Variants in HTR2C observed in about 807,000 individuals in gnomAD.
HTR2C encodes the protein 5-hydroxytryptamine (serotonin) receptor 2C, G protein-coupled.
In HTR2C, 5 loss-of-function variants were observed where a neutral mutation model predicts 21.0. The ratio of observed to expected loss-of-function variants is 0.24; its 90% CI spans 0.12 to 0.50. The LOEUF is 0.50. Among genes scored for constraint, HTR2C ranks in the 20% least tolerant of loss-of-function variants. The pLI is 0.98. For synonymous variants in HTR2C, 150 were observed against 145.3 expected, an observed-to-expected ratio of 1.03 and a Z score of -0.23; for missense variants, 271 against 371.2, an observed-to-expected ratio of 0.73 and a Z score of 2.22.
intron 4 of HTR2C, among the ~76,000 whole-genome samples, chrX:114,772,744 T>G (rs2070018295): frequency 9.0e-6 from 1 of 111,009 alleles, no homozygotes. Flanking sequence ...AGGGACAAGG[T>G]CAATGAGGAG....
intron 2 of HTR2C, among the ~76,000 whole-genome samples, chrX:114,678,837 A>G (rs782371803): frequency 6.3e-4 from 71 of 111,814 alleles, no homozygotes; most frequent in African/African-American, 2.3e-3. Context: ...TTATGTAACT[A>G]CATAGTTAGA....
chrX:114,895,890 A>T (rs2071293433), intron 5 of HTR2C, among the ~76,000 whole-genome samples: 1 of 109,235 alleles, frequency 9.2e-6, no homozygotes, highest in Non-Finnish European at 1.9e-5. Context: ...TGGGATGCCG[A>T]GGCAGGGAGA....
At chrX:114,869,236 T>C (rs925378820) in intron 5 of HTR2C, among the ~76,000 whole-genome samples, 1 of 111,677 alleles carries the variant, frequency 9.0e-6, no homozygotes, top group Non-Finnish European at 1.9e-5. Context: ...TAATCCAGTC[T>C]ATCATTGATG....
At chrX:114,654,045 C>T (rs1260290850) in intron 2 of HTR2C, among the ~76,000 whole-genome samples, 11 of 109,875 alleles carry the variant, frequency 1.0e-4, no homozygotes, top group East Asian at 2.8e-4. Flanking sequence ...AGATATAATA[C>T]GAGACTAATA....
At chrX:114,774,772 A>AG (rs2070039864) in intron 4 of HTR2C, 1 of 332,528 alleles carries the variant, frequency 3.0e-6, no homozygotes, top group African/African-American at 2.7e-5. Context: ...CTACAAATTT[A>AG]GGTCCTTCAA....
chrX:114,612,213 T>C (rs1469403252), intron 1 of HTR2C, among the ~76,000 whole-genome samples: 1 of 111,882 alleles, frequency 8.9e-6, no homozygotes, highest in Admixed American at 9.6e-5. Flanking sequence ...ATTTATGAGC[T>C]AACAAAAGAT....
At chrX:114,682,555 T>C (rs782745297) in intron 2 of HTR2C, among the ~76,000 whole-genome samples, 1 of 111,922 alleles carries the variant, frequency 8.9e-6, no homozygotes, top group South Asian at 3.7e-4. Flanking sequence ...AAATACAATT[T>C]ATTTTTCTTT....
chrX:114,842,299 T>C (rs1236217034), intron 4 of HTR2C, among the ~76,000 whole-genome samples: 2 of 112,555 alleles, frequency 1.8e-5, no homozygotes, highest in African/African-American at 6.5e-5. Context: ...AGAAATGTGC[T>C]TGTCTTTTTA....
chrX:114,861,243 T>G (rs1399101349), intron 5 of HTR2C, among the ~76,000 whole-genome samples: 3 of 111,469 alleles, frequency 2.7e-5, no homozygotes, highest in Non-Finnish European at 5.7e-5. Flanking sequence ...CAATTTTTCT[T>G]TAGTTTCCAC....
At chrX:114,671,608 A>G (rs1287578439) in intron 2 of HTR2C, among the ~76,000 whole-genome samples, 1 of 112,167 alleles carries the variant, frequency 8.9e-6, no homozygotes, top group Non-Finnish European at 1.9e-5. Flanking sequence ...GTTTATTTCA[A>G]TTGTTAAGTT....
At chrX:114,895,711 G>C (rs1556483923) in intron 5 of HTR2C, among the ~76,000 whole-genome samples, 1 of 111,307 alleles carries the variant, frequency 9.0e-6, no homozygotes, top group Admixed American at 9.5e-5. Context: ...TTCCAGGCTG[G>C]GTGTGGTGGC....
At chrX:114,784,443 A>T (rs933475663) in intron 4 of HTR2C, among the ~76,000 whole-genome samples, 27 of 110,736 alleles carry the variant, frequency 2.4e-4, no homozygotes, top group African/African-American at 7.9e-4. Context: ...GTATTCTCTC[A>T]CAGTCTGGAG....
At chrX:114,806,838 TATATACACC>T (rs1556450184) in intron 4 of HTR2C, among the ~76,000 whole-genome samples, 1 of 101,263 alleles carries the variant, frequency 9.9e-6, no homozygotes, top group East Asian at 3.2e-4. Flanking sequence ...ATACACCACA[TATATACACC>T]ATATATATAC....
At chrX:114,694,310 T>C (rs1393699390) in intron 2 of HTR2C, among the ~76,000 whole-genome samples, 10 of 110,094 alleles carry the variant, frequency 9.1e-5, no homozygotes, top group African/African-American at 3.0e-4. Flanking sequence ...TTACATAGAA[T>C]TTCTTTTTTA....
intron 4 of HTR2C, among the ~76,000 whole-genome samples, chrX:114,825,008 A>G (rs2070666863): frequency 8.9e-6 from 1 of 111,921 alleles, no homozygotes; most frequent in South Asian, 3.7e-4. Context: ...TGTGGCTTCT[A>G]CCTTTAATTC....
intron 5 of HTR2C, among the ~76,000 whole-genome samples, chrX:114,859,449 G>T (rs1295956156): frequency 9.0e-6 from 1 of 110,891 alleles, no homozygotes; most frequent in African/African-American, 3.3e-5. Flanking sequence ...TTGGTAAATT[G>T]TAATTGTCAA....
At position 114,615,872 on chromosome X, in the gene HTR2C, C is replaced by T. The variant is rs1387112140; in HGVS notation, c.-80+1991C>T. Among the ~76,000 whole-genome samples, 13 of 111,823 alleles carry T rather than the reference C, an allele frequency of 1.2e-4. No individual in the cohort carries two copies. The Admixed American group carries it at 1.2e-3, about 11-fold the overall frequency. ...GAGAAGATTTGATATACAAATTCAT[C>T]ATAATGTGGCAATATCTTACAAGTC... is the stretch of plus-strand genomic sequence containing the variant. On this transcript the variant is annotated intron_variant, in intron 2 of 5. Coordinates refer to ENST00000276198, the MANE Select transcript of HTR2C (RefSeq NM_000868.4).
chrX:114,702,728 A>G (rs1556417098), intron 2 of HTR2C, among the ~76,000 whole-genome samples: 1 of 107,841 alleles, frequency 9.3e-6, no homozygotes, highest in Admixed American at 1.0e-4. Context: ...TTTAAATGTA[A>G]ATGGACTAAA....
intron 4 of HTR2C, among the ~76,000 whole-genome samples, chrX:114,793,754 C>T (rs1569494567): frequency 1.8e-5 from 2 of 109,449 alleles, no homozygotes; most frequent in Non-Finnish European, 3.8e-5. Context: ...TCCATCCATC[C>T]ATCCATCCAT....
Sources: gnomAD v4.1 joint callset for allele counts (sites outside exome capture counted in the v4.1 genomes callset) on GRCh38, gnomAD v4.1.1 for gene constraint, MANE v1.5 for transcripts, NCBI Gene and HGNC (gene_info 2026-07-23, HGNC 2026-07-21) for gene names.